SNTB1: variants seen among roughly 807,000 people sequenced by gnomAD.
SNTB1 encodes the protein beta-1-syntrophin.
A neutral mutation model predicts 48.9 loss-of-function variants in SNTB1; 36 were observed. That is an observed-to-expected ratio of 0.74 (90% CI 0.56 to 0.97). The LOEUF (loss-of-function observed/expected upper bound fraction) is 0.97, where lower values mean the gene tolerates loss of function less well. SNTB1 is among the 50% of genes least tolerant of loss of function. The pLI is 0.00. For synonymous variants in SNTB1, 299 were observed against 294.6 expected, an observed-to-expected ratio of 1.01 and a Z score of -0.15; for missense variants, 786 against 703.4, an observed-to-expected ratio of 1.12 and a Z score of -1.33.
chr8:120,797,095 G>A (rs534079273), intron 1 of SNTB1, among the ~76,000 whole-genome samples: 2 of 152,050 alleles, frequency 1.3e-5, no homozygotes, highest in South Asian at 2.1e-4. Flanking sequence ...AGGAATATAC[G>A]ATTTAATTCA....
chr8:120,750,128 C>T (rs750583854), intron 1 of SNTB1, among the ~76,000 whole-genome samples: 2 of 151,128 alleles, frequency 1.3e-5, no homozygotes, highest in African/African-American at 4.9e-5. Context: ...CCCTCCCTCC[C>T]TCCCTCCTTC....
chr8:120,572,839 C>T (rs551573400), intron 4 of SNTB1, among the ~76,000 whole-genome samples: 6 of 152,216 alleles, frequency 3.9e-5, no homozygotes, highest in Middle Eastern at 3.4e-3. Flanking sequence ...CACTTGAACC[C>T]GGGAGGCAGA....
At chr8:120,585,393 T>A (rs189647765) in intron 3 of SNTB1, among the ~76,000 whole-genome samples, 245 of 152,306 alleles carry the variant, frequency 1.6e-3, no homozygotes, top group Admixed American at 3.7e-3. Flanking sequence ...CTTTCCTGCC[T>A]CCTGGCATGT....
At chr8:120,591,126 A>G (rs1325993274) in intron 3 of SNTB1, among the ~76,000 whole-genome samples, 1 of 152,228 alleles carries the variant, frequency 6.6e-6, no homozygotes, top group African/African-American at 2.4e-5. Context: ...AAAAGTCAGC[A>G]TCGTGGATTC....
chr8:120,733,064 A>C (rs1467499718), intron 1 of SNTB1, among the ~76,000 whole-genome samples: 1 of 152,232 alleles, frequency 6.6e-6, no homozygotes, highest in Non-Finnish European at 1.5e-5. Context: ...GGGATGATTG[A>C]TAGAGGAAAC....
At chr8:120,718,246 G>C (rs985925398) in intron 1 of SNTB1, among the ~76,000 whole-genome samples, 1 of 152,224 alleles carries the variant, frequency 6.6e-6, no homozygotes, top group Non-Finnish European at 1.5e-5. Context: ...TCCTCCTGAG[G>C]GTCACTGTGC....
intron 4 of SNTB1, among the ~76,000 whole-genome samples, chr8:120,566,697 T>C (rs1815754546): frequency 6.6e-6 from 1 of 152,190 alleles, no homozygotes; most frequent in South Asian, 2.1e-4. Context: ...AAATCAAAGA[T>C]GGACCGGGTC....
chr8:120,699,605 G>GA (rs1378234911), intron 1 of SNTB1, among the ~76,000 whole-genome samples: 1 of 152,178 alleles, frequency 6.6e-6, no homozygotes, highest in Non-Finnish European at 1.5e-5. Context: ...GCAGCACCGT[G>GA]AGCCAATTAA....
intron 2 of SNTB1, among the ~76,000 whole-genome samples, chr8:120,665,174 G>A (rs1817654092): frequency 6.6e-6 from 1 of 152,106 alleles, no homozygotes; most frequent in African/African-American, 2.4e-5. Flanking sequence ...ACTCTTGGCT[G>A]GGCATGGTGG....
intron 1 of SNTB1, among the ~76,000 whole-genome samples, chr8:120,695,273 C>T (rs1480856337): frequency 6.6e-6 from 1 of 152,168 alleles, no homozygotes; most frequent in Non-Finnish European, 1.5e-5. Context: ...CTTCCCTGTG[C>T]AAGACATCAA....
At chr8:120,543,085 C>G (rs866678887) in intron 5 of SNTB1, among the ~76,000 whole-genome samples, 1 of 152,152 alleles carries the variant, frequency 6.6e-6, no homozygotes, top group Non-Finnish European at 1.5e-5. Context: ...CAGCTTTTAT[C>G]TGGGATTCTC....
intron 2 of SNTB1, among the ~76,000 whole-genome samples, chr8:120,663,054 A>C (rs1295677672): frequency 6.6e-6 from 1 of 151,602 alleles, no homozygotes; most frequent in Non-Finnish European, 1.5e-5. Context: ...TGGCAGATAC[A>C]GAACCCAATG....
At chr8:120,560,063 A>C (rs1258355221) in intron 4 of SNTB1, among the ~76,000 whole-genome samples, 1 of 152,250 alleles carries the variant, frequency 6.6e-6, no homozygotes, top group Non-Finnish European at 1.5e-5. Flanking sequence ...AATGAGGGTC[A>C]AAGAATCACT....
intron 3 of SNTB1, among the ~76,000 whole-genome samples, chr8:120,610,713 G>C (rs1380125023): frequency 1.3e-5 from 2 of 152,248 alleles, no homozygotes; most frequent in South Asian, 4.2e-4. Context: ...CCTACTTCCG[G>C]GATCTCGCAT....
chr8:120,657,947 T>A (rs918398767), intron 2 of SNTB1, among the ~76,000 whole-genome samples: 1 of 152,220 alleles, frequency 6.6e-6, no homozygotes, highest in Admixed American at 6.5e-5. Context: ...TGTACCTATT[T>A]TAGGTGCAGA....
In SNTB1 at chr8:120,543,856, G is replaced by A. The variant is rs1049682588; in HGVS notation, c.1334-1856C>T. Among the ~76,000 whole-genome samples, 15 of 152,112 alleles carry A rather than the reference G, an allele frequency of 9.9e-5. 1 individual carries two copies. The highest frequency in any genetic ancestry group is 2.1e-4 in the South Asian group (1 of 4,830). ...AGGTCTATAACTCCTTCTGCGCACA[G>A]TCCCTGAACCCTGCCCTCCGCCAGC... On this transcript the variant is annotated intron_variant, in intron 5 of 6. Coordinates refer to ENST00000517992, the MANE Select transcript of SNTB1 (RefSeq NM_021021.4).
At chr8:120,802,628 C>G (rs1820248074) in intron 1 of SNTB1, among the ~76,000 whole-genome samples, 1 of 152,012 alleles carries the variant, frequency 6.6e-6, no homozygotes, top group Non-Finnish European at 1.5e-5. Flanking sequence ...TCCTTGTACC[C>G]CTAAACAACT....
intron 1 of SNTB1, among the ~76,000 whole-genome samples, chr8:120,704,272 A>C (rs1818347940): frequency 6.6e-6 from 1 of 152,144 alleles, no homozygotes; most frequent in African/African-American, 2.4e-5. Context: ...GCAATACAGC[A>C]TGACCTCATT....
chr8:120,550,031 A>T (rs950037835), intron 4 of SNTB1, among the ~76,000 whole-genome samples: 32 of 152,212 alleles, frequency 2.1e-4, no homozygotes, highest in Non-Finnish European at 2.9e-5. Flanking sequence ...GAAATACAAA[A>T]GCTTATGTTC....
Sources: allele counts gnomAD v4.1 joint callset (sites outside exome capture counted in the v4.1 genomes callset), GRCh38; gene constraint gnomAD v4.1.1; transcripts MANE v1.5; gene names NCBI Gene and HGNC (gene_info 2026-07-23, HGNC 2026-07-21).